The following CLIP1 variants were observed in gnomAD, a reference collection of about 807,000 sequenced individuals.
CLIP1 encodes the protein CAP-Gly domain containing linker protein 1.
CLIP1 carries 66 observed loss-of-function variants against 161.6 expected under a neutral mutation model. That is an observed-to-expected ratio of 0.41 (90% CI 0.33 to 0.50). The LOEUF (loss-of-function observed/expected upper bound fraction) is 0.50. Ranked by LOEUF, CLIP1 falls within the 20% of genes least tolerant of loss-of-function variation. CLIP1 has a pLI of 0.27. For synonymous variants in CLIP1, 598 were observed against 626.2 expected (o/e 0.96, Z 0.67); for missense variants, 1,376 against 1,702.0 (o/e 0.81, Z 3.37).
At chr12:122,316,196 C>G (rs1163948261) in intron 19 of CLIP1, among the ~76,000 whole-genome samples, 1 of 150,590 alleles carries the variant, frequency 6.6e-6, no homozygotes, top group Admixed American at 6.6e-5. Flanking sequence ...CTCGTACTTT[C>G]AAGGCTTTCG....
rs750347191 is a variant in CLIP1, at chr12:122,354,536, G to A, written c.1224C>T (p.Ala408=). 10 of 1,613,702 alleles carry A rather than the reference G, an allele frequency of 6.2e-6. 1 individual carries two copies. The highest frequency in any genetic ancestry group is 6.8e-6 in the Non-Finnish European group (8 of 1,179,846). Residue 408 remains alanine (A), a synonymous_variant, in exon 7 of 26, where the codon GCC becomes GCT. Transcript: ENST00000620786. ...GHDQHVLELE[A]KMDQLRTMVE... ...CCATTGTTCGCAGCTGGTCCATTTT[G>A]GCTTCCAATTCCAGGACATGCTGGG...
chr12:122,366,238 C>T (rs188486618), intron 3 of CLIP1, among the ~76,000 whole-genome samples: 149 of 149,378 alleles, frequency 1.0e-3, no homozygotes, highest in African/African-American at 3.4e-3. Flanking sequence ...ACCCGGGAAG[C>T]GGAGGTTGCA....
chr12:122,361,121 A>T lies in CLIP1; in HGVS notation c.843T>A (p.Ile281=), dbSNP rs1256342359. 6.2e-7 allele frequency: 1 copy of T among 1,614,254 alleles called. No homozygotes were observed. The highest frequency in any genetic ancestry group is 1.7e-5 in the Admixed American group (1 of 60,026). ...TGGCTGGTGTAGTGGAAGGGAAGCCAATCTTGGTAACTTTGTGGACAGGAG... is the reference window on the plus strand; with the variant it reads ...TGGCTGGTGTAGTGGAAGGGAAGCCTATCTTGGTAACTTTGTGGACAGGAG... ...LFAPVHKVTK[I]GFPSTTPAKA... Residue 281 remains isoleucine, a synonymous_variant, in exon 5 of 26, where the codon ATT becomes ATA. Coordinates refer to ENST00000620786, the MANE Select transcript of CLIP1 (RefSeq NM_001247997.2).
rs1566128978 is a variant in CLIP1 at position 122,333,011 on chromosome 12, T to A, written c.2843A>T (p.Asn948Ile). ...CCTTTCTTTCAGACGTAATTCATCG[T>A]TCATTTTTGTCAGCTGAGAAGAGTT... ...GDNSSQLTKM[N>I]DELRLKERDV... Residue 948 changes from asparagine to isoleucine, a missense_variant, in exon 15 of 26, where the codon AAC (asparagine) becomes ATC (isoleucine). By Grantham distance (149) the Asn-to-Ile change is moderately radical. Transcript: ENST00000620786. 1.2e-6 allele frequency: 2 copies of A among 1,613,710 alleles called. No homozygotes were observed. Among genetic ancestry groups the A allele is most frequent in the Non-Finnish European group, 1.7e-6 (2 of 1,179,898 alleles).
At chr12:122,285,912 G>T (rs1373680015) in intron 21 of CLIP1, among the ~76,000 whole-genome samples, 1 of 151,518 alleles carries the variant, frequency 6.6e-6, no homozygotes, top group Non-Finnish European at 1.5e-5. Context: ...ATACCCCGAG[G>T]CCCACAGAGA....
rs182615466 is a variant in CLIP1 at position 122,359,673 on chromosome 12, T to C, written c.1005+1286A>G. On this transcript the variant is annotated intron_variant, in intron 5 of 25. Coordinates refer to ENST00000620786, the MANE Select transcript of CLIP1 (RefSeq NM_001247997.2). ...GAGCAGTACTTATTCTACCTGAACA[T>C]AGAGGAAGGAAGCCTAGATGGCTGG... 4.6e-5 allele frequency among the ~76,000 whole-genome samples: 7 copies of C among 152,272 alleles called. No homozygotes were observed. In the East Asian group the frequency reaches 9.6e-4, roughly 21 times the overall value.
At chr12:122,282,671 G>A (rs75550382) in intron 21 of CLIP1, among the ~76,000 whole-genome samples, 2 of 144,018 alleles carry the variant, frequency 1.4e-5, no homozygotes, top group South Asian at 2.1e-4. Flanking sequence ...GTTTGTGTGT[G>A]TATATATATA....
chr12:122,397,975 G>A (rs972788976), intron 1 of CLIP1, among the ~76,000 whole-genome samples: 3 of 139,716 alleles, frequency 2.1e-5, no homozygotes, highest in African/African-American at 7.6e-5. Context: ...AAAAAAAAAA[G>A]AAAATTAACT....
Position 122,341,507 on chromosome 12 carries a change from T to C in CLIP1, c.1697A>G (p.His566Arg), listed in dbSNP as rs141425023. 6 of 1,613,928 alleles carry C rather than the reference T, an allele frequency of 3.7e-6. No homozygotes were observed. In the African/African-American group the frequency reaches 8.0e-5, roughly 22 times the overall value. The part of the protein sequence containing the change: ...QEKLEVTRTD[H>R]QREITSLKEH... ...CTTCAGAGAAGTTATTTCTCTCTGG[T>C]GGTCAGTACGGGTGACTTCTAACTT... Residue 566 changes from histidine (H) to arginine (R), a missense_variant, in exon 11 of 26, where the codon CAC becomes CGC. By Grantham distance (29) the His-to-Arg change is conservative. Around this residue, in one of 6 missense-constraint regions of CLIP1, gnomAD observed 948 missense variants for 1,134.8 expected, o/e 0.84. Transcript: ENST00000620786.
chr12:122,366,342 C>T (rs1357151353), intron 3 of CLIP1, among the ~76,000 whole-genome samples: 1 of 151,172 alleles, frequency 6.6e-6, no homozygotes, highest in Non-Finnish European at 1.5e-5. Context: ...AATAATTGGC[C>T]CAGTGTGGAA....
At position 122,352,145 on chromosome 12, in the gene CLIP1, C is replaced by G. The variant is rs1345995146; in HGVS notation, c.1368+581G>C. ...CGATCTCGGCTCACTGCAACCTCCA[C>G]CTCCTGGGTTCAAGCGATTCTCCTG... On this transcript the variant is annotated intron_variant, in intron 8 of 25. Coordinates refer to ENST00000620786, the MANE Select transcript of CLIP1 (RefSeq NM_001247997.2). 1.3e-5 allele frequency among the ~76,000 whole-genome samples: 2 copies of G among 151,354 alleles called. 1 individual carries two copies. Among genetic ancestry groups the G allele is most frequent in the Non-Finnish European group, 2.9e-5 (2 of 67,912 alleles).
chr12:122,351,649 G>A (rs1296529682), intron 8 of CLIP1, among the ~76,000 whole-genome samples: 3 of 152,108 alleles, frequency 2.0e-5, no homozygotes, highest in East Asian at 3.9e-4. Flanking sequence ...TAGCAAAACT[G>A]CATATTTGGG....
chr12:122,336,467 G>C (rs558311968), intron 12 of CLIP1, among the ~76,000 whole-genome samples, 165 bp downstream of exon 12: 1 of 149,650 alleles, frequency 6.7e-6, no homozygotes, highest in African/African-American at 2.5e-5. Flanking sequence ...GGTTTGATCC[G>C]ATTCCCCTCA....
chr12:122,314,343 C>T (rs1440599611), intron 19 of CLIP1, among the ~76,000 whole-genome samples: 8 of 151,244 alleles, frequency 5.3e-5, no homozygotes, highest in Admixed American at 1.3e-4. Context: ...TGGCGACGCG[C>T]GCCTGTAATC....
intron 24 of CLIP1, chr12:122,276,870 A>C (rs1488491419): frequency 6.0e-6 from 1 of 167,004 alleles, no homozygotes; most frequent in East Asian, 1.8e-4. Context: ...CATGTTGCGC[A>C]GGCTGGTCTC....
At position 122,328,146 on chromosome 12, in the gene CLIP1, G is replaced by GT; in HGVS notation, c.3049dup (p.Thr1017AsnfsTer14). ...CAGCTCCTGACACTGGTTGTGGCTTGTTTCCATTTTCTTTTCCTGCAGAGA... is the reference window on the plus strand; with the variant it reads ...CAGCTCCTGACACTGGTTGTGGCTTGTTTTCCATTTTCTTTTCCTGCAGAGA... On this transcript the variant is annotated frameshift_variant, in exon 17 of 26. Coordinates refer to ENST00000620786, the MANE Select transcript of CLIP1 (RefSeq NM_001247997.2). LOFTEE classifies it high-confidence loss of function. 8.2e-6 allele frequency: 13 copies of GT among 1,588,584 alleles called. No individual in the cohort carries two copies. The highest frequency in any genetic ancestry group is 5.5e-5 in the Admixed American group (3 of 54,336).
In CLIP1 at chr12:122,341,391, A is replaced by G. The variant is rs758541256; in HGVS notation, c.1813T>C (p.Leu605=). Residue 605 remains leucine (L), a synonymous_variant, in exon 11 of 26, where the codon TTG becomes CTG. Transcript: ENST00000620786. ...TTGGCATGCTCCAGCTTGCTTTTCAATGACTCGTTCTCTTTGGAAAGCTTT... is the reference window on the plus strand; with the variant it reads ...TTGGCATGCTCCAGCTTGCTTTTCAGTGACTCGTTCTCTTTGGAAAGCTTT... The part of the protein sequence containing the change: ...TEKLSKENES[L]KSKLEHANKE... The G allele has an allele frequency of 2.3e-5, 37 of 1,614,050 alleles. No individual in the cohort carries two copies. The Admixed American group carries it at 4.2e-4, about 18-fold the overall frequency.
chr12:122,288,487 A>C lies in CLIP1; in HGVS notation c.3647+2T>G. 2 of 1,605,950 alleles carry C rather than the reference A, an allele frequency of 1.2e-6. No homozygotes were observed. Among genetic ancestry groups the C allele is most frequent in the Admixed American group, 1.7e-5 (1 of 59,760 alleles). ...ACATACAACAATAAACAGAAAGCTT[A>C]CCTTTTTTTCATTTCTAACAACTGA... On this transcript the variant is annotated splice_donor_variant, in intron 21 of 25. Transcript: ENST00000620786. LOFTEE classifies it high-confidence loss of function.
intron 5 of CLIP1, among the ~76,000 whole-genome samples, chr12:122,358,747 A>T (rs1326498334): frequency 5.5e-5 from 3 of 54,090 alleles, no homozygotes; most frequent in Non-Finnish European, 1.9e-4. Flanking sequence ...TTGACTTTAA[A>T]AAAAAAAAAA....
Sources: gnomAD v4.1 joint callset for allele counts (sites outside exome capture counted in the v4.1 genomes callset) on GRCh38, gnomAD v4.1.1 for gene constraint, gnomAD v4.1.1 regional missense constraint, MANE v1.5 for transcripts, NCBI Gene and HGNC (gene_info 2026-07-23, HGNC 2026-07-21) for gene names.